The following PLPP7 variants were observed in gnomAD, a reference collection of about 807,000 sequenced individuals.
The protein encoded by PLPP7 is phospholipid phosphatase 7 (inactive).
Under a neutral mutation model 16.9 loss-of-function variants are expected in PLPP7, and 11 were observed. That is an observed-to-expected ratio of 0.65 (90% CI 0.41 to 1.08). The LOEUF is 1.08. PLPP7 is among the 50% of genes least tolerant of loss of function. The pLI is 0.00. For missense variants in PLPP7, 358 were observed against 397.1 expected (o/e 0.90, Z 0.84); for synonymous variants, 174 against 175.1 (o/e 0.99, Z 0.05).
intron 1 of PLPP7, among the ~76,000 whole-genome samples, chr9:131,306,948 A>G (rs1403139742): frequency 1.3e-5 from 2 of 152,188 alleles, no homozygotes; most frequent in Non-Finnish European, 2.9e-5. Flanking sequence ...CAATTTTTGA[A>G]AAATGGGAAT....
intron 1 of PLPP7, chr9:131,291,132 G>C (rs1480824530): frequency 1.5e-6 from 2 of 1,366,484 alleles, no homozygotes; most frequent in East Asian, 9.1e-5. Flanking sequence ...CCTGTGCCAG[G>C]TGCCACGTGG....
chr9:131,299,905 A>G (rs776052734), intron 1 of PLPP7, among the ~76,000 whole-genome samples: 13 of 152,030 alleles, frequency 8.6e-5, no homozygotes, highest in Non-Finnish European at 1.8e-4. Context: ...GCTGGGCCCT[A>G]TGGTCCCCGC....
intron 1 of PLPP7, chr9:131,293,030 T>C (rs1354237654): frequency 1.1e-6 from 1 of 892,340 alleles, no homozygotes; most frequent in Non-Finnish European, 1.3e-6. Flanking sequence ...GACAATGGCA[T>C]GAACGGCCTG....
At chr9:131,291,519 A>G (rs1018168034) in intron 1 of PLPP7, 2 of 479,394 alleles carry the variant, frequency 4.2e-6, no homozygotes, top group Admixed American at 1.2e-4. Context: ...TTCATGCAGG[A>G]GATGGCTGGG....
chr9:131,290,078 G>A lies in PLPP7; in HGVS notation c.81G>A (p.Gln27=). 1 of 1,498,368 alleles carries A rather than the reference G, an allele frequency of 6.7e-7. No individual in the cohort carries two copies. Among genetic ancestry groups the A allele is most frequent in the Non-Finnish European group, 8.9e-7 (1 of 1,126,270 alleles). 92.8% of individuals were successfully genotyped at this position (1,498,368 alleles called of 1,614,324 possible). A position where few individuals can be genotyped will look rare whatever the true frequency, so the allele number is the denominator to read the frequency against. The change falls in exon 1 of 2, where the codon CAG becomes CAA. Residue 27 remains glutamine (Q), a synonymous_variant. Coordinates refer to ENST00000372264, the MANE Select transcript of PLPP7 (RefSeq NM_032728.4). The surrounding 1 kb of genome is among the most constrained non-coding windows in gnomAD (Gnocchi z 4.2). ...GGGCTGAGTTCCTGTCCCTGAACCA[G>A]CCCCCCAAGGGGGGCCCGGAGCCCC... is the stretch of plus-strand genomic sequence containing the variant. ...LNRAEFLSLN[Q]PPKGGPEPRS... is the part of the protein sequence containing the mutation.
chr9:131,291,155 G>C (rs771390130), intron 1 of PLPP7: 2 of 1,366,398 alleles, frequency 1.5e-6, no homozygotes, highest in African/African-American at 1.5e-5. Context: ...CCCATGTGGA[G>C]GCAAGCCATT....
At position 131,308,402 on chromosome 9, in the gene PLPP7, AC is replaced by A; in HGVS notation, c.*120del. 7.1e-7 allele frequency: 1 copy of A among 1,416,448 alleles called. No individual in the cohort carries two copies. 87.7% of individuals were successfully genotyped at this position (1,416,448 alleles called of 1,614,324 possible). A position where few individuals can be genotyped will look rare whatever the true frequency, so the allele number is the denominator to read the frequency against. Reference sequence around the variant, plus strand: ...AGAGCGGCCAGGAGTCAGAGCGGCCACCCCCACCTCATCTTCCCCTCCTGGC... The same window carrying A: ...AGAGCGGCCAGGAGTCAGAGCGGCCACCCCACCTCATCTTCCCCTCCTGGC... On this transcript the variant is annotated 3_prime_UTR_variant, in exon 2 of 2. Transcript: ENST00000372264.
At chr9:131,298,267 A>G (rs972555289) in intron 1 of PLPP7, among the ~76,000 whole-genome samples, 2 of 152,046 alleles carry the variant, frequency 1.3e-5, no homozygotes, top group African/African-American at 4.8e-5. Context: ...ACCGATTTAC[A>G]CACTCCCTGG....
rs570969360 is a variant in PLPP7, at chr9:131,307,873, G to C, written c.452-50G>C. 3 of 1,508,148 alleles carry C rather than the reference G, an allele frequency of 2.0e-6. No homozygotes were observed. The Admixed American group carries it at 6.3e-5, about 31-fold the overall frequency. 93.4% of individuals were successfully genotyped at this position (1,508,148 alleles called of 1,614,324 possible). ...GGAAATGTGGGGGGCCAGGGCCTGG[G>C]CCTGGCTGGTGGCCCTGATGGCCCA... On this transcript the variant is annotated intron_variant, in intron 1 of 1. Coordinates refer to ENST00000372264, the MANE Select transcript of PLPP7 (RefSeq NM_032728.4).
chr9:131,305,394 AAT>A (rs1206768943), intron 1 of PLPP7, among the ~76,000 whole-genome samples: 19 of 151,300 alleles, frequency 1.3e-4, no homozygotes, highest in Non-Finnish European at 2.1e-4. Context: ...GTAAAAAAAA[AAT>A]TTTTTTTTAA....
rs1835661667 is a variant in PLPP7, at chr9:131,290,622, G to A, written c.451+174G>A. On this transcript the variant is annotated intron_variant, in intron 1 of 1. Transcript: ENST00000372264. The surrounding 1 kb of genome is among the most constrained non-coding windows in gnomAD (Gnocchi z 4.2). ...CAGGCAGGCTCCGGCGTGGGGGAGC[G>A]ACAGCCAGGGATGCATAGACGAGGC... is the stretch of plus-strand genomic sequence containing the variant. 7.7e-6 allele frequency among the ~76,000 whole-genome samples: 1 copy of A among 130,524 alleles called. No individual in the cohort carries two copies. Among genetic ancestry groups the A allele is most frequent in the Non-Finnish European group, 1.8e-5 (1 of 56,720 alleles). The allele number at this position is 130,524 out of a possible 152,430, so 85.6% of individuals were successfully genotyped here.
chr9:131,296,124 G>A (rs937818444), intron 1 of PLPP7, among the ~76,000 whole-genome samples: 3 of 152,188 alleles, frequency 2.0e-5, no homozygotes, highest in Non-Finnish European at 4.4e-5. Context: ...CCCCAGCAAT[G>A]CCCAAGGGCT....
rs374576146 is a variant in PLPP7 at position 131,294,757 on chromosome 9, G to C, written c.451+4309G>C. Among the ~76,000 whole-genome samples the C allele has an allele frequency of 4.0e-5, 6 of 151,088 alleles. No individual in the cohort carries two copies. The South Asian group carries it at 1.3e-3, about 32-fold the overall frequency. On this transcript the variant is annotated intron_variant, in intron 1 of 1. Transcript: ENST00000372264. ...AAGATCTTGGCTCACTGCAACCTCC[G>C]CCTCCCGGGTTCAAGCAATTCTCCA... is the stretch of plus-strand genomic sequence containing the variant.
chr9:131,297,487 G>A (rs952501704), intron 1 of PLPP7, among the ~76,000 whole-genome samples: 2 of 150,800 alleles, frequency 1.3e-5, no homozygotes, highest in Non-Finnish European at 2.9e-5. Flanking sequence ...CCAAGTTCAA[G>A]TGATTCTCCT....
chr9:131,305,785 C>T (rs755234899), intron 1 of PLPP7, among the ~76,000 whole-genome samples: 7 of 152,162 alleles, frequency 4.6e-5, no homozygotes, highest in Non-Finnish European at 7.4e-5. Context: ...TATGCCATCA[C>T]ACATGTCTAA....
intron 1 of PLPP7, among the ~76,000 whole-genome samples, chr9:131,301,855 C>T (rs1447220308): frequency 1.8e-4 from 27 of 148,682 alleles, no homozygotes; most frequent in African/African-American, 6.5e-4. Flanking sequence ...CTCGCCCTGT[C>T]GCCCAGGCTG....
intron 1 of PLPP7, among the ~76,000 whole-genome samples, chr9:131,291,646 C>T (rs1324632915): frequency 6.7e-6 from 1 of 150,268 alleles, no homozygotes; most frequent in Non-Finnish European, 1.5e-5. Flanking sequence ...CTCACTACAA[C>T]CTTCAGCTCA....
rs1389610976 is a variant in PLPP7, at chr9:131,291,180, G to T, written c.451+732G>T. ...GGCAAGCCATTCCCTCCACCCAGAGGTGATGCCCAGCCCCCGTCCGGCCCA... is the reference window on the plus strand; with the variant it reads ...GGCAAGCCATTCCCTCCACCCAGAGTTGATGCCCAGCCCCCGTCCGGCCCA... On this transcript the variant is annotated intron_variant, in intron 1 of 1. Transcript: ENST00000372264. 6 of 1,365,324 alleles carry T rather than the reference G, an allele frequency of 4.4e-6. No individual in the cohort carries two copies. In the East Asian group the frequency reaches 2.7e-4, roughly 62 times the overall value. 84.6% of individuals were successfully genotyped at this position (1,365,324 alleles called of 1,614,324 possible).
At chr9:131,291,955 C>T (rs371000439) in intron 1 of PLPP7, among the ~76,000 whole-genome samples, 19 of 152,340 alleles carry the variant, frequency 1.2e-4, no homozygotes, top group African/African-American at 4.3e-4. Context: ...AACAGTCTCA[C>T]GAGGTTGGTG....
Sources: allele counts gnomAD v4.1 joint callset (sites outside exome capture counted in the v4.1 genomes callset), GRCh38; gene constraint gnomAD v4.1.1; non-coding constraint Gnocchi (gnomAD v3.1); transcripts MANE v1.5; gene names NCBI Gene and HGNC (gene_info 2026-07-23, HGNC 2026-07-21).